PAM: variants seen among roughly 807,000 people sequenced by gnomAD.
PAM encodes peptidylglycine alpha-amidating monooxygenase.
In PAM, 72 loss-of-function variants were observed where a neutral mutation model predicts 122.1. That is an observed-to-expected ratio of 0.59 (90% CI 0.49 to 0.72). PAM has a LOEUF of 0.72. Among genes scored for constraint, PAM ranks in the 30% least tolerant of loss-of-function variants. The pLI is 0.00. For missense variants in PAM, 1,106 were observed against 1,183.7 expected (o/e 0.93, Z 0.96); for synonymous variants, 389 against 404.4 (o/e 0.96, Z 0.46).
chr5:102,832,607 A>G (rs1266827095), intron 1 of PAM, among the ~76,000 whole-genome samples: 1 of 152,200 alleles, frequency 6.6e-6, no homozygotes, highest in African/African-American at 2.4e-5. Flanking sequence ...GCACCTCTCC[A>G]TAAGTATCTT....
chr5:102,876,636 TA>T (rs1190541438), intron 3 of PAM, among the ~76,000 whole-genome samples: 1 of 152,180 alleles, frequency 6.6e-6, no homozygotes, highest in African/African-American at 2.4e-5. Flanking sequence ...CTGGGCATTT[TA>T]AAGGGAGAAT....
intron 13 of PAM, among the ~76,000 whole-genome samples, chr5:102,960,520 G>A (rs1396160318): frequency 1.3e-5 from 2 of 151,994 alleles, no homozygotes; most frequent in Admixed American, 6.6e-5. Context: ...TTATTGATTT[G>A]TGAAGCATTG....
At chr5:102,904,436 A>G (rs1360208564) in intron 4 of PAM, among the ~76,000 whole-genome samples, 2 of 151,550 alleles carry the variant, frequency 1.3e-5, no homozygotes, top group African/African-American at 4.8e-5. Context: ...AGTGAATACT[A>G]AATAAGGATT....
intron 15 of PAM, among the ~76,000 whole-genome samples, chr5:102,977,658 GCACACACACACACA>G (rs10527378): frequency 5.5e-3 from 793 of 143,026 alleles, no homozygotes; most frequent in African/African-American, 8.5e-3. Flanking sequence ...ATGCATGTGC[GCACACACACACACA>G]CACACACACA....
intron 1 of PAM, among the ~76,000 whole-genome samples, chr5:102,757,693 C>G (rs1750868255): frequency 6.6e-6 from 1 of 151,980 alleles, no homozygotes; most frequent in African/African-American, 2.4e-5. Flanking sequence ...TAAGCTGGAC[C>G]TTAAGGCCTG....
At chr5:102,913,497 G>C (rs1399264332) in intron 4 of PAM, among the ~76,000 whole-genome samples, 1 of 151,824 alleles carries the variant, frequency 6.6e-6, no homozygotes, top group African/African-American at 2.4e-5. Flanking sequence ...TCATAAATTT[G>C]TGTTATGAAT....
intron 1 of PAM, among the ~76,000 whole-genome samples, chr5:102,771,046 A>G (rs1361064761): frequency 6.6e-6 from 1 of 152,114 alleles, no homozygotes; most frequent in African/African-American, 2.4e-5. Context: ...AGCATGTTAT[A>G]TAATATTTTG....
At chr5:102,994,262 A>G (rs1347458517) in intron 16 of PAM, among the ~76,000 whole-genome samples, 28 of 152,168 alleles carry the variant, frequency 1.8e-4, no homozygotes, top group Admixed American at 1.8e-3. Flanking sequence ...TCTAGATGTT[A>G]TAAAGTTCTT....
rs764877122 is a variant in PAM, at chr5:103,028,972, T to C, written c.2829T>C (p.Thr943=). ...GAAAAGGGTTTGACCGGCTTAGCAC[T>C]GAGGGCAGTGACCAAGAGAAAGAGG... ...YSRKGFDRLS[T]EGSDQEKEDD... Residue 943 remains threonine, a synonymous_variant, in exon 26 of 26, where the codon ACT becomes ACC. Coordinates refer to ENST00000438793, the MANE Select transcript of PAM (RefSeq NM_001177306.2). 1.2e-6 allele frequency: 2 copies of C among 1,613,702 alleles called. No individual in the cohort carries two copies. Among genetic ancestry groups the C allele is most frequent in the East Asian group, 4.5e-5 (2 of 44,876 alleles).
intron 1 of PAM, among the ~76,000 whole-genome samples, chr5:102,821,765 A>C (rs1388414749): frequency 1.3e-5 from 2 of 152,190 alleles, no homozygotes; most frequent in Non-Finnish European, 2.9e-5. Context: ...ACTTGGACAG[A>C]CTGGCTCCAG....
chr5:102,866,882 T>G (rs923942764), intron 2 of PAM, among the ~76,000 whole-genome samples: 1 of 152,218 alleles, frequency 6.6e-6, no homozygotes, highest in African/African-American at 2.4e-5. Flanking sequence ...TTTCTGCCAT[T>G]AGAAAATTGG....
intron 1 of PAM, among the ~76,000 whole-genome samples, chr5:102,780,376 T>C (rs1243516296): frequency 6.6e-6 from 1 of 152,182 alleles, no homozygotes; most frequent in Non-Finnish European, 1.5e-5. Flanking sequence ...AAACTAAATA[T>C]TGTCTTTCTT....
intron 4 of PAM, among the ~76,000 whole-genome samples, chr5:102,910,570 C>T (rs1346167591): frequency 6.6e-6 from 1 of 151,890 alleles, no homozygotes; most frequent in Non-Finnish European, 1.5e-5. Flanking sequence ...ACCATTTCCA[C>T]TTAAGCAACT....
intron 1 of PAM, among the ~76,000 whole-genome samples, chr5:102,758,073 G>GTTTTTTTTTTT (rs1168917285): frequency 6.0e-4 from 15 of 24,826 alleles, no homozygotes; most frequent in South Asian, 1.8e-3. Flanking sequence ...TTAGAATTTT[G>GTTTTTTTTTTT]TTTTTTTTTT....
chr5:102,930,019 G>T (rs982876421), intron 7 of PAM, among the ~76,000 whole-genome samples: 8 of 152,136 alleles, frequency 5.3e-5, no homozygotes, highest in African/African-American at 1.9e-4. Context: ...AGTATGAAAA[G>T]ATTGGCTGTG....
intron 1 of PAM, among the ~76,000 whole-genome samples, chr5:102,769,044 A>AC (rs1228644492): frequency 7.9e-5 from 12 of 152,176 alleles, no homozygotes; most frequent in Non-Finnish European, 1.8e-4. Flanking sequence ...AAGCCATTTT[A>AC]ACTGGGGTGA....
Position 102,867,266 on chromosome 5 carries a change from T to C in PAM, c.90-7T>C, listed in dbSNP as rs760548024. 1.9e-6 allele frequency: 3 copies of C among 1,591,644 alleles called. No homozygotes were observed. In the South Asian group the frequency reaches 3.3e-5, roughly 18 times the overall value. The stretch of plus-strand genomic sequence containing the variant: ...TCAAGAATATTGAAATTGCCCTCTT[T>C]TTTAAGGTTTAAAGAAACTACCAGA... On this transcript the variant is annotated splice_polypyrimidine_tract_variant and splice_region_variant and intron_variant, in intron 2 of 25. Coordinates refer to ENST00000438793, the MANE Select transcript of PAM (RefSeq NM_001177306.2).
chr5:102,976,238 T>C, intron 15 of PAM, among the ~76,000 whole-genome samples: 1 of 152,110 alleles, frequency 6.6e-6, no homozygotes, highest in East Asian at 1.9e-4. Flanking sequence ...TTTTAAAAAA[T>C]AAAATGCAAA....
intron 5 of PAM, among the ~76,000 whole-genome samples, chr5:102,924,581 C>CT (rs914839073): frequency 6.6e-6 from 1 of 152,018 alleles, no homozygotes; most frequent in Non-Finnish European, 1.5e-5. Context: ...GTGTATGACA[C>CT]TTTTTTTAGT....
Sources: allele counts gnomAD v4.1 joint callset (sites outside exome capture counted in the v4.1 genomes callset), GRCh38; gene constraint gnomAD v4.1.1; transcripts MANE v1.5; gene names NCBI Gene and HGNC (gene_info 2026-07-23, HGNC 2026-07-21).